The following PCDH11Y variants were observed in gnomAD, a reference collection of about 807,000 sequenced individuals.
The protein encoded by PCDH11Y is protocadherin-11 Y-linked.
For missense variants in PCDH11Y, 12 were observed against 224.8 expected (o/e 0.05, Z 6.05); for synonymous variants, 9 against 83.6 (o/e 0.11, Z 4.87).
At chrY:5,422,828 A>G in intron 2 of PCDH11Y, among the ~76,000 whole-genome samples, 1 of 33,402 alleles carries the variant, frequency 3.0e-5, no homozygotes, top group Non-Finnish European at 7.4e-5. Context: ...GGGGTAATAT[A>G]TAAAAATGTT....
intron 2 of PCDH11Y, among the ~76,000 whole-genome samples, chrY:5,386,214 G>A: frequency 3.0e-5 from 1 of 33,566 alleles, no homozygotes. Flanking sequence ...GGTTTCTGCT[G>A]ATAAATCGGC....
At chrY:5,493,276 C>G (rs2124687141) in intron 2 of PCDH11Y, among the ~76,000 whole-genome samples, 1 of 33,163 alleles carries the variant, frequency 3.0e-5, no homozygotes, top group African/African-American at 1.2e-4. Context: ...TGACATTTGG[C>G]TTGTTTAAAA....
intron 1 of PCDH11Y, among the ~76,000 whole-genome samples, chrY:5,000,859 ACT>A (rs2052529524): frequency 3.2e-5 from 1 of 31,256 alleles, no homozygotes; most frequent in Non-Finnish European, 7.8e-5. Flanking sequence ...CTTTGGGAAA[ACT>A]CTCACTTTTG....
chrY:5,448,902 AT>A (rs2053290279), intron 2 of PCDH11Y, among the ~76,000 whole-genome samples: 1 of 33,584 alleles, frequency 3.0e-5, no homozygotes, highest in African/African-American at 1.2e-4. Flanking sequence ...CAAACACAAT[AT>A]AGTACTCTAA....
intron 4 of PCDH11Y, among the ~76,000 whole-genome samples, chrY:5,735,716 C>A: frequency 6.8e-5 from 2 of 29,354 alleles, no homozygotes; most frequent in Non-Finnish European, 1.6e-4. Context: ...TAATCTAATT[C>A]CTTTACCTTT....
At chrY:5,726,712 A>G (rs2053599010) in intron 4 of PCDH11Y, among the ~76,000 whole-genome samples, 2 of 33,293 alleles carry the variant, frequency 6.0e-5, no homozygotes, top group African/African-American at 1.2e-4. Flanking sequence ...ATGACTTTGC[A>G]TCAATTTCTT....
chrY:5,380,636 G>A, intron 2 of PCDH11Y, among the ~76,000 whole-genome samples: 1 of 27,193 alleles, frequency 3.7e-5, no homozygotes, highest in Non-Finnish European at 8.6e-5. Context: ...ACCCAGGCTG[G>A]AGTGCAGTGG....
intron 2 of PCDH11Y, among the ~76,000 whole-genome samples, chrY:5,460,776 C>G: frequency 3.0e-5 from 1 of 33,347 alleles, no homozygotes; most frequent in Admixed American, 2.7e-4. Flanking sequence ...AGACTTTTTA[C>G]CAAAATTAAG....
intron 1 of PCDH11Y, among the ~76,000 whole-genome samples, chrY:5,016,907 G>GA (rs2052561730): frequency 3.0e-5 from 1 of 33,181 alleles, no homozygotes. Flanking sequence ...CTTATTTACA[G>GA]AAAAATAAAT....
At chrY:5,377,336 A>G in intron 2 of PCDH11Y, among the ~76,000 whole-genome samples, 1 of 30,054 alleles carries the variant, frequency 3.3e-5, no homozygotes, top group Non-Finnish European at 7.9e-5. Flanking sequence ...CTTTTCAATT[A>G]TAATGCAAAG....
chrY:5,337,789 G>A, intron 2 of PCDH11Y: 1 of 389,005 alleles, frequency 2.6e-6, no homozygotes, highest in Non-Finnish European at 3.6e-6. Flanking sequence ...CAATGGAGGT[G>A]TTGTAGAAGA....
chrY:5,683,922 C>G (rs34287697), intron 4 of PCDH11Y, among the ~76,000 whole-genome samples: 1 of 33,189 alleles, frequency 3.0e-5, no homozygotes, highest in Non-Finnish European at 7.5e-5. Flanking sequence ...TTAAGTAATA[C>G]CTCACAAGCA....
At chrY:5,497,909 G>A (rs1602934333) in intron 2 of PCDH11Y, among the ~76,000 whole-genome samples, 2 of 33,871 alleles carry the variant, frequency 5.9e-5, no homozygotes, top group African/African-American at 1.2e-4. Context: ...TGGGTGAGGG[G>A]AAGCCAGTGA....
chrY:5,134,743 T>TG (rs2052837208), intron 2 of PCDH11Y, among the ~76,000 whole-genome samples: 4 of 31,398 alleles, frequency 1.3e-4, no homozygotes, highest in East Asian at 1.7e-3. Flanking sequence ...AAAATCGAAG[T>TG]GGGGGGGAAA....
intron 2 of PCDH11Y, among the ~76,000 whole-genome samples, chrY:5,437,146 G>A (rs2574040): frequency 3.0e-5 from 1 of 32,883 alleles, no homozygotes; most frequent in African/African-American, 1.2e-4. Flanking sequence ...GAGTAATGAC[G>A]CTATCCTTTC....
intron 2 of PCDH11Y, among the ~76,000 whole-genome samples, chrY:5,122,124 C>T: frequency 3.1e-5 from 1 of 32,778 alleles, no homozygotes; most frequent in African/African-American, 1.2e-4. Flanking sequence ...TGTAGTCCTG[C>T]CTGGATTGGG....
intron 3 of PCDH11Y, among the ~76,000 whole-genome samples, chrY:5,534,886 C>A (rs2124692086): frequency 3.5e-4 from 12 of 33,894 alleles, no homozygotes; most frequent in African/African-American, 1.3e-3. Context: ...TTGCATTTAT[C>A]TAATGATCAG....
exon 5 of PCDH11Y, chrY:5,742,025 G>T: frequency 3.2e-5 from 1 of 31,576 alleles, no homozygotes; most frequent in African/African-American, 1.2e-4. Flanking sequence ...TTCCTCCTCT[G>T]TGATATCATA....
chrY:5,625,823 GT>G (rs1220087252), intron 4 of PCDH11Y, among the ~76,000 whole-genome samples: 10 of 11,835 alleles, frequency 8.4e-4, no homozygotes, highest in African/African-American at 2.7e-3. Flanking sequence ...CAGTTTGCTA[GT>G]TTTTTTTTTT....
Sources: allele counts gnomAD v4.1 joint callset (sites outside exome capture counted in the v4.1 genomes callset), GRCh38; gene constraint gnomAD v4.1.1; transcripts MANE v1.5; gene names NCBI Gene and HGNC (gene_info 2026-07-23, HGNC 2026-07-21).